Variants in CLASP1 observed in about 807,000 individuals in gnomAD.
CLASP1 encodes CLIP-associating protein 1.
Under a neutral mutation model 192.3 loss-of-function variants are expected in CLASP1, and 38 were observed. The observed-to-expected ratio is 0.20, with a 90% CI of 0.15 to 0.26. CLASP1 has a LOEUF of 0.26. CLASP1 is among the 10% of genes least tolerant of loss of function. CLASP1 has a pLI of 1.00. For synonymous variants in CLASP1, 691 were observed against 712.8 expected (o/e 0.97, Z 0.49); for missense variants, 1,433 against 1,932.5 (o/e 0.74, Z 4.85).
At chr2:121,525,346 C>A (rs1256323685) in intron 6 of CLASP1, among the ~76,000 whole-genome samples, 2 of 152,194 alleles carry the variant, frequency 1.3e-5, no homozygotes, top group Admixed American at 6.5e-5. Context: ...GTAAAGTCTG[C>A]AGTTCTTAAG....
At chr2:121,626,222 C>T (rs549191890) in intron 1 of CLASP1, among the ~76,000 whole-genome samples, 3 of 152,032 alleles carry the variant, frequency 2.0e-5, no homozygotes, top group Admixed American at 1.3e-4. Flanking sequence ...AAAGAAAACT[C>T]TATTAAGTCC....
chr2:121,343,772 CA>C (rs1175304109), intron 39 of CLASP1, among the ~76,000 whole-genome samples: 1 of 152,160 alleles, frequency 6.6e-6, no homozygotes, highest in African/African-American at 2.4e-5. Context: ...ATATGAACCA[CA>C]CACTTAAAAA....
intron 30 of CLASP1, among the ~76,000 whole-genome samples, chr2:121,392,386 T>C (rs1051378870): frequency 3.3e-5 from 5 of 152,172 alleles, no homozygotes; most frequent in African/African-American, 4.8e-5. Flanking sequence ...CAAACAATAA[T>C]AGCAGAGCTG....
At chr2:121,402,057 G>A (rs928128525) in intron 26 of CLASP1, among the ~76,000 whole-genome samples, 187 bp from the exon 28 acceptor site, 9 of 152,152 alleles carry the variant, frequency 5.9e-5, no homozygotes, top group African/African-American at 2.2e-4. Flanking sequence ...TAACTTTTCT[G>A]TGTTTAATCC....
intron 2 of CLASP1, among the ~76,000 whole-genome samples, chr2:121,586,894 T>C (rs1017620480): frequency 1.3e-5 from 2 of 152,162 alleles, no homozygotes; most frequent in African/African-American, 2.4e-5. Context: ...ACCAAGCAAG[T>C]TGGCTGATCC....
chr2:121,424,221 T>C (rs1166893962), intron 22 of CLASP1, among the ~76,000 whole-genome samples: 1 of 152,224 alleles, frequency 6.6e-6, no homozygotes, highest in Non-Finnish European at 1.5e-5. Context: ...CATACTGTGT[T>C]ACATTTCCAC....
rs746947848 is a variant in CLASP1, at chr2:121,367,823, G to T, written c.3651C>A (p.Arg1217=). 8 of 1,613,062 alleles carry T rather than the reference G, an allele frequency of 5.0e-6. No individual in the cohort carries two copies. The African/African-American group carries it at 1.1e-4, about 22-fold the overall frequency. Reference sequence around the variant, plus strand: ...TGGCAGGGGAGGCAGCGCCCCCATCGCGGGACACCTGCAGCACAGCACACT... The same window carrying T: ...TGGCAGGGGAGGCAGCGCCCCCATCTCGGGACACCTGCAGCACAGCACACT... The change falls in exon 35 of 40, where the codon CGC becomes CGA. Residue 1217 remains arginine, a synonymous_variant. Transcript: ENST00000263710.
At position 121,588,173 on chromosome 2, in the gene CLASP1, CA is replaced by C. The variant is rs397769809; in HGVS notation, c.195+17527del. 7.8e-3 allele frequency among the ~76,000 whole-genome samples: 475 copies of C among 61,056 alleles called. 1 individual carries two copies. The highest frequency in any genetic ancestry group is 0.019 in the African/African-American group (409 of 21,304). 40.1% of individuals were successfully genotyped at this position (61,056 alleles called of 152,430 possible). On this transcript the variant is annotated intron_variant, in intron 2 of 39. Transcript: ENST00000263710. ...TGGATGACAGAACGAGACTCCGTCTCAAAAAAAAAAAAAAAAAAAAAAAAGC... is the reference window on the plus strand; with the variant it reads ...TGGATGACAGAACGAGACTCCGTCTCAAAAAAAAAAAAAAAAAAAAAAAGC...
At chr2:121,468,878 T>C (rs964589896) in intron 9 of CLASP1, among the ~76,000 whole-genome samples, 2 of 152,168 alleles carry the variant, frequency 1.3e-5, no homozygotes, top group African/African-American at 4.8e-5. Flanking sequence ...CTCAGCCTAG[T>C]TCTGAGCCCT....
chr2:121,384,336 G>GTGAGAACACAGC lies in CLASP1; in HGVS notation c.3375-2013_3375-2012insGCTGTGTTCTCA, dbSNP rs2072692116. 1.3e-5 allele frequency among the ~76,000 whole-genome samples: 2 copies of GTGAGAACACAGC among 151,838 alleles called. 1 individual carries two copies. The highest frequency in any genetic ancestry group is 1.3e-4 in the Admixed American group (2 of 15,224). On this transcript the variant is annotated intron_variant, in intron 32 of 39. Transcript: ENST00000263710. The stretch of plus-strand genomic sequence containing the variant: ...TCCAAGTAGCTGAGAACACAGGTAT[G>GTGAGAACACAGC]TGCCACCATGTCCAGCTAATTTTTT...
At chr2:121,444,424 A>T (rs2083947900) in intron 19 of CLASP1, among the ~76,000 whole-genome samples, 1 of 152,238 alleles carries the variant, frequency 6.6e-6, no homozygotes, top group African/African-American at 2.4e-5. Flanking sequence ...CCTTTAGAGG[A>T]GAGAAAAATA....
Position 121,340,821 on chromosome 2 carries a change from C to T in CLASP1, c.*40G>A, listed in dbSNP as rs374727772. The T allele has an allele frequency of 1.7e-4, 257 of 1,505,972 alleles. 1 individual carries two copies. Among genetic ancestry groups the T allele is most frequent in the Non-Finnish European group, 2.3e-4 (251 of 1,093,400 alleles). The allele number at this position is 1,505,972 out of a possible 1,614,324, so 93.3% of individuals were successfully genotyped here. A position where few individuals can be genotyped will look rare whatever the true frequency, so the allele number is the denominator to read the frequency against. ...GGGGAAAGGTCTCTGAGAGGCACCA[C>T]CGATTGCTTCTAGGTCTACACAAGA... is the stretch of plus-strand genomic sequence containing the variant. On this transcript the variant is annotated 3_prime_UTR_variant, in exon 40 of 40. Transcript: ENST00000263710.
intron 37 of CLASP1, among the ~76,000 whole-genome samples, chr2:121,362,547 A>AC (rs937804099): frequency 2.0e-5 from 3 of 152,210 alleles, no homozygotes; most frequent in Non-Finnish European, 4.4e-5. Context: ...CAGGGCTGCC[A>AC]CCACTCAGCC....
chr2:121,555,302 C>T (rs752564860), intron 2 of CLASP1, among the ~76,000 whole-genome samples: 2 of 152,214 alleles, frequency 1.3e-5, no homozygotes, highest in Non-Finnish European at 2.9e-5. Context: ...ACTCCAGTGG[C>T]CTCCCACCAA....
rs571789803 is a variant in CLASP1, at chr2:121,350,076, C to T, written c.4207-1358G>A. Among the ~76,000 whole-genome samples the T allele has an allele frequency of 1.7e-3, 253 of 152,350 alleles. 3 individuals carry two copies. Among genetic ancestry groups the T allele is most frequent in the African/African-American group, 5.4e-3 (225 of 41,586 alleles). On this transcript the variant is annotated intron_variant, in intron 37 of 39. Coordinates refer to ENST00000263710, the Ensembl canonical transcript of CLASP1. ...AGATAAAGACAGGCACCAGGCTATA[C>T]GCACATGGATTTTCTTACAAAGTAC... is the stretch of plus-strand genomic sequence containing the variant.
intron 19 of CLASP1, among the ~76,000 whole-genome samples, chr2:121,433,042 C>T (rs1423878140): frequency 1.3e-5 from 2 of 152,150 alleles, no homozygotes; most frequent in Non-Finnish European, 2.9e-5. Context: ...GAAAATTTGG[C>T]CCAGAGCGGT....
chr2:121,389,665 C>G (rs530085000), intron 30 of CLASP1, among the ~76,000 whole-genome samples: 1 of 152,038 alleles, frequency 6.6e-6, no homozygotes, highest in South Asian at 2.1e-4. Flanking sequence ...TTGAATAGTA[C>G]GCTTTTTATG....
intron 39 of CLASP1, among the ~76,000 whole-genome samples, chr2:121,344,617 C>T (rs759473305): frequency 6.6e-6 from 1 of 152,092 alleles, no homozygotes; most frequent in Non-Finnish European, 1.5e-5. Context: ...AGGTATGAGC[C>T]GTGCCCAGCC....
exon 35 of CLASP1, chr2:121,367,600 G>C (rs1488427751): frequency 6.2e-7 from 1 of 1,613,938 alleles, no homozygotes; most frequent in African/African-American, 1.3e-5. Context: ...TCTCGAAGCT[G>C]CTCCATGTCG....
Sources: gnomAD v4.1 joint callset for allele counts (sites outside exome capture counted in the v4.1 genomes callset) on GRCh38, gnomAD v4.1.1 for gene constraint, MANE v1.5 for transcripts, NCBI Gene and HGNC (gene_info 2026-07-23, HGNC 2026-07-21) for gene names.